Variants in PARN observed in about 807,000 individuals in gnomAD.
PARN encodes the protein poly(A)-specific ribonuclease PARN.
In PARN, 71 loss-of-function variants were observed where a neutral mutation model predicts 102.8. The observed-to-expected ratio is 0.69, with a 90% CI of 0.57 to 0.84. The LOEUF (loss-of-function observed/expected upper bound fraction) is 0.84, where lower values mean the gene tolerates loss of function less well. PARN is among the 40% of genes least tolerant of loss of function. The pLI is 0.00. For missense variants in PARN, 782 were observed against 760.9 expected (o/e 1.03, Z -0.33); for synonymous variants, 261 against 252.9 (o/e 1.03, Z -0.30).
At chr16:14,535,367 G>A (rs1966566634) in intron 21 of PARN, among the ~76,000 whole-genome samples, 2 of 152,104 alleles carry the variant, frequency 1.3e-5, no homozygotes, top group East Asian at 3.9e-4. Flanking sequence ...AGTGATGTTT[G>A]GGCTTCTTTC....
intron 3 of PARN, 116 bp downstream of exon 3, chr16:14,628,053 TGAG>T (rs1972787563): frequency 2.9e-6 from 2 of 696,412 alleles, no homozygotes; most frequent in Non-Finnish European, 5.0e-6. Context: ...TGGCTAGGTT[TGAG>T]GAGAAAATAC....
At chr16:14,580,259 C>A (rs1025622543) in intron 18 of PARN, among the ~76,000 whole-genome samples, 1 of 151,480 alleles carries the variant, frequency 6.6e-6, no homozygotes, top group African/African-American at 2.4e-5. Context: ...CGTGAGCCAC[C>A]GCGCCTGGCC....
intron 21 of PARN, among the ~76,000 whole-genome samples, chr16:14,516,722 G>A (rs1965477185): frequency 6.6e-6 from 1 of 152,194 alleles, no homozygotes; most frequent in Non-Finnish European, 1.5e-5. Context: ...CCAAAAAAAT[G>A]TAGTAGATGA....
intron 6 of PARN, among the ~76,000 whole-genome samples, chr16:14,616,468 G>A (rs1657213365): frequency 6.6e-6 from 1 of 152,254 alleles, no homozygotes; most frequent in Non-Finnish European, 1.5e-5. Flanking sequence ...CAGGTAGGCA[G>A]GGTGTGGTGT....
intron 16 of PARN, among the ~76,000 whole-genome samples, chr16:14,583,427 C>T (rs1969649345): frequency 6.6e-6 from 1 of 152,126 alleles, no homozygotes; most frequent in African/African-American, 2.4e-5. Context: ...AAATATTAGA[C>T]TTGATGCCTT....
At chr16:14,585,448 C>A (rs1429675944) in intron 14 of PARN, among the ~76,000 whole-genome samples, 11 of 149,634 alleles carry the variant, frequency 7.4e-5, no homozygotes, top group African/African-American at 2.7e-4. Context: ...AGAAACTGCT[C>A]GAACACCACG....
chr16:14,569,966 C>A (rs1044099465), intron 18 of PARN, among the ~76,000 whole-genome samples: 2 of 152,052 alleles, frequency 1.3e-5, no homozygotes, highest in African/African-American at 4.8e-5. Context: ...ACGTAATATG[C>A]CAAAAACCAC....
intron 21 of PARN, among the ~76,000 whole-genome samples, chr16:14,489,350 C>T (rs1196754235): frequency 6.8e-6 from 1 of 146,500 alleles, no homozygotes; most frequent in East Asian, 2.0e-4. Flanking sequence ...GAGGCTGAGG[C>T]AGGAGAATCG....
chr16:14,598,171 G>T (rs1006641229), intron 12 of PARN, among the ~76,000 whole-genome samples: 1 of 151,776 alleles, frequency 6.6e-6, no homozygotes, highest in African/African-American at 2.4e-5. Context: ...TATATTTAAG[G>T]TATGGGATTT....
intron 18 of PARN, among the ~76,000 whole-genome samples, chr16:14,560,094 T>C (rs1051359979): frequency 2.6e-5 from 4 of 152,242 alleles, no homozygotes; most frequent in African/African-American, 9.6e-5. Flanking sequence ...TCAAATGGCC[T>C]GCACTGACTC....
intron 22 of PARN, among the ~76,000 whole-genome samples, chr16:14,454,717 C>A (rs1234131276): frequency 2.0e-5 from 3 of 152,138 alleles, no homozygotes; most frequent in Admixed American, 6.5e-5. Context: ...TTTGTTTTTT[C>A]CAAATTCTCA....
At chr16:14,614,488 T>G (rs1199969429) in intron 6 of PARN, among the ~76,000 whole-genome samples, 1 of 152,034 alleles carries the variant, frequency 6.6e-6, no homozygotes, top group Non-Finnish European at 1.5e-5. Flanking sequence ...ATGCACGCTG[T>G]GCCTACAGGA....
chr16:14,521,529 T>C (rs1965729037), intron 21 of PARN, among the ~76,000 whole-genome samples: 2 of 152,228 alleles, frequency 1.3e-5, no homozygotes, highest in Admixed American at 6.5e-5. Flanking sequence ...CCGGGCACGG[T>C]GGCTCACGCC....
intron 21 of PARN, among the ~76,000 whole-genome samples, chr16:14,520,821 G>A (rs1965698395): frequency 6.6e-6 from 1 of 152,180 alleles, no homozygotes; most frequent in South Asian, 2.1e-4. Flanking sequence ...GATGAAACAG[G>A]ACTGGCCACG....
At chr16:14,451,143 A>G (rs895364772) in intron 22 of PARN, among the ~76,000 whole-genome samples, 1 of 152,132 alleles carries the variant, frequency 6.6e-6, no homozygotes, top group Non-Finnish European at 1.5e-5. Flanking sequence ...ACTCTCCCAC[A>G]TGCCCGTCAT....
At chr16:14,548,952 C>T (rs1967129226) in intron 21 of PARN, among the ~76,000 whole-genome samples, 1 of 122,874 alleles carries the variant, frequency 8.1e-6, no homozygotes, top group African/African-American at 3.2e-5. Flanking sequence ...GACCCTGTCT[C>T]AGAAAAGGAA....
At chr16:14,576,942 A>T (rs568509312) in intron 18 of PARN, among the ~76,000 whole-genome samples, 27 of 152,348 alleles carry the variant, frequency 1.8e-4, no homozygotes, top group Admixed American at 9.2e-4. Context: ...TGGTCTCAGG[A>T]TTTCCTCAAT....
At chr16:14,597,203 GATA>G (rs1370375945) in intron 12 of PARN, among the ~76,000 whole-genome samples, 9 of 152,126 alleles carry the variant, frequency 5.9e-5, no homozygotes, top group Admixed American at 5.9e-4. Context: ...GCTGATAGAC[GATA>G]ATATTAGTAG....
At chr16:14,509,493 TTAATAAC>T (rs1385756638) in intron 21 of PARN, among the ~76,000 whole-genome samples, 3 of 152,220 alleles carry the variant, frequency 2.0e-5, no homozygotes, top group Non-Finnish European at 4.4e-5. Flanking sequence ...GTAAAGCAGT[TTAATAAC>T]TAATCCTTTT....
Sources: allele counts gnomAD v4.1 joint callset (sites outside exome capture counted in the v4.1 genomes callset), GRCh38; gene constraint gnomAD v4.1.1; transcripts MANE v1.5; gene names NCBI Gene and HGNC (gene_info 2026-07-23, HGNC 2026-07-21).